Variants in TMPRSS15 observed in about 807,000 individuals in gnomAD.
TMPRSS15 encodes transmembrane serine protease 15.
A neutral mutation model predicts 125.3 loss-of-function variants in TMPRSS15; 128 were observed. The ratio of observed to expected loss-of-function variants is 1.02; its 90% CI spans 0.89 to 1.18. The LOEUF is 1.18. Among genes scored for constraint, TMPRSS15 ranks in the 50% most tolerant of loss-of-function variants. TMPRSS15 has a pLI of 0.00. For synonymous variants in TMPRSS15, 446 were observed against 423.2 expected (o/e 1.05, Z -0.66); for missense variants, 1,283 against 1,212.7 (o/e 1.06, Z -0.86).
chr21:18,336,461 T>C (rs2146976704), intron 13 of TMPRSS15, among the ~76,000 whole-genome samples: 1 of 152,300 alleles, frequency 6.6e-6, no homozygotes, highest in South Asian at 2.1e-4. Flanking sequence ...TAATTTAAAG[T>C]AAAATGTTCC....
At chr21:18,300,869 G>C (rs1474635970) in intron 18 of TMPRSS15, among the ~76,000 whole-genome samples, 1 of 152,054 alleles carries the variant, frequency 6.6e-6, no homozygotes, top group Non-Finnish European at 1.5e-5. Context: ...TGGGTATTCA[G>C]TAAATGCCAC....
intron 22 of TMPRSS15, among the ~76,000 whole-genome samples, chr21:18,280,385 G>A (rs528030391): frequency 3.6e-4 from 54 of 151,920 alleles, no homozygotes; most frequent in Non-Finnish European, 5.3e-4. Flanking sequence ...GATCATCCTG[G>A]CCAACATGGT....
At position 18,326,590 on chromosome 21, in the gene TMPRSS15, G is replaced by A. The variant is rs374410143; in HGVS notation, c.1781-18C>T. 2.7e-5 allele frequency: 44 copies of A among 1,613,772 alleles called. No individual in the cohort carries two copies. In the African/African-American group the frequency reaches 3.1e-4, roughly 11 times the overall value. ...GTACACAGCTGTTCCAAAGGAAAACGAGATAATCAGTGAGATGATCCTTTG... is the reference window on the plus strand; with the variant it reads ...GTACACAGCTGTTCCAAAGGAAAACAAGATAATCAGTGAGATGATCCTTTG... On this transcript the variant is annotated intron_variant, in intron 15 of 24. Coordinates refer to ENST00000284885, the MANE Select transcript of TMPRSS15 (RefSeq NM_002772.3).
At chr21:18,475,158 G>A (rs1290600183) in intron 1 of TMPRSS15, among the ~76,000 whole-genome samples, 2 of 151,700 alleles carry the variant, frequency 1.3e-5, no homozygotes, top group South Asian at 4.1e-4. Context: ...ATAGAGATTC[G>A]ATTTTTTATT....
chr21:18,424,033 C>T (rs2076197753), intron 1 of TMPRSS15, among the ~76,000 whole-genome samples: 1 of 152,108 alleles, frequency 6.6e-6, no homozygotes, highest in Admixed American at 6.5e-5. Flanking sequence ...TTCAGCCTGG[C>T]ATCAATAATT....
At chr21:18,357,504 C>T (rs938601643) in intron 8 of TMPRSS15, among the ~76,000 whole-genome samples, 2 of 151,894 alleles carry the variant, frequency 1.3e-5, no homozygotes, top group South Asian at 2.1e-4. Flanking sequence ...TATAATCCCA[C>T]TTACCCTAAG....
chr21:18,458,370 A>C (rs1360957622), intron 1 of TMPRSS15, among the ~76,000 whole-genome samples: 1 of 152,190 alleles, frequency 6.6e-6, no homozygotes, highest in Admixed American at 6.6e-5. Flanking sequence ...ATATTCAGTC[A>C]GTTTAGTCAA....
intron 10 of TMPRSS15, among the ~76,000 whole-genome samples, chr21:18,349,091 C>T (rs1158516391): frequency 1.3e-5 from 2 of 152,194 alleles, no homozygotes. Context: ...CTAAACTATA[C>T]TACCTCCCAC....
chr21:18,446,628 A>C (rs2076256334), intron 1 of TMPRSS15, among the ~76,000 whole-genome samples: 2 of 152,186 alleles, frequency 1.3e-5, no homozygotes. Context: ...CAGAATACGG[A>C]ACCCCAAAAT....
In TMPRSS15 at chr21:18,445,341, T is replaced by G. The variant is rs1018140342; in HGVS notation, c.10+40458A>C. On this transcript the variant is annotated intron_variant, in intron 1 of 7. Transcript: ENST00000422787. ...GATTACAGTCATGCACCACCACTCC[T>G]GGCTAATTTTTGTATTTTTAATAGA... Among the ~76,000 whole-genome samples, 16 of 151,974 alleles carry G rather than the reference T, an allele frequency of 1.1e-4. 1 individual carries two copies. In the Middle Eastern group the frequency reaches 0.01, roughly 97 times the overall value.
chr21:18,290,119 A>C (rs539512985), intron 21 of TMPRSS15, among the ~76,000 whole-genome samples: 1 of 152,346 alleles, frequency 6.6e-6, no homozygotes, highest in South Asian at 2.1e-4. Flanking sequence ...TGTGGATAAT[A>C]GGAACAATGT....
intron 13 of TMPRSS15, among the ~76,000 whole-genome samples, chr21:18,339,222 A>T (rs2075423739): frequency 6.6e-6 from 1 of 152,216 alleles, no homozygotes; most frequent in Non-Finnish European, 1.5e-5. Flanking sequence ...TCATATAAGC[A>T]TCTAAACATG....
chr21:18,462,973 G>A (rs2034864588), intron 1 of TMPRSS15, among the ~76,000 whole-genome samples: 1 of 152,004 alleles, frequency 6.6e-6, no homozygotes, highest in Non-Finnish European at 1.5e-5. Flanking sequence ...CATAAGAGAA[G>A]GAGAAATAAA....
intron 1 of TMPRSS15, among the ~76,000 whole-genome samples, chr21:18,414,218 T>C (rs2076174722): frequency 6.6e-6 from 1 of 152,162 alleles, no homozygotes; most frequent in Non-Finnish European, 1.5e-5. Flanking sequence ...CCACTGCACA[T>C]ATTTAATGTA....
chr21:18,479,783 A>C (rs1204795270), intron 1 of TMPRSS15, among the ~76,000 whole-genome samples: 1 of 151,954 alleles, frequency 6.6e-6, no homozygotes, highest in Non-Finnish European at 1.5e-5. Context: ...CTTTTAAAAT[A>C]TTGGTGGGAT....
At chr21:18,452,318 T>C (rs1429456266) in intron 1 of TMPRSS15, among the ~76,000 whole-genome samples, 1 of 152,186 alleles carries the variant, frequency 6.6e-6, no homozygotes, top group Non-Finnish European at 1.5e-5. Context: ...TTTTTACTTA[T>C]AACTCAATGT....
chr21:18,390,151 G>C (rs1353100723), intron 3 of TMPRSS15, among the ~76,000 whole-genome samples: 1 of 152,084 alleles, frequency 6.6e-6, no homozygotes, highest in Non-Finnish European at 1.5e-5. Context: ...TTCAGACACT[G>C]TCCCACATTT....
In TMPRSS15 at chr21:18,443,998, T is replaced by C. The variant is rs28414767; in HGVS notation, c.10+41801A>G. Among the ~76,000 whole-genome samples, 1,256 of 152,228 alleles carry C rather than the reference T, an allele frequency of 8.3e-3. 25 individuals are homozygous for C. The highest frequency in any genetic ancestry group is 0.029 in the African/African-American group (1,213 of 41,534). ...TCTGGCCAAGTGGTCCTGCTTCTGT[T>C]TGAACTTGGCTGGCAGGCACAGCCT... On this transcript the variant is annotated intron_variant, in intron 1 of 7. Transcript: ENST00000422787.
intron 1 of TMPRSS15, among the ~76,000 whole-genome samples, chr21:18,472,548 T>C (rs1051953238): frequency 6.6e-6 from 1 of 151,572 alleles, no homozygotes; most frequent in African/African-American, 2.4e-5. Flanking sequence ...AACTTCATGA[T>C]ATTCAAAGAA....
Sources: allele counts gnomAD v4.1 joint callset (sites outside exome capture counted in the v4.1 genomes callset), GRCh38; gene constraint gnomAD v4.1.1; transcripts MANE v1.5; gene names NCBI Gene and HGNC (gene_info 2026-07-23, HGNC 2026-07-21).